Variants in RBFOX1 observed in about 807,000 individuals in gnomAD.
RBFOX1 encodes the protein RNA binding protein fox-1 homolog 1.
A neutral mutation model predicts 57.7 loss-of-function variants in RBFOX1; 8 were observed. That is an observed-to-expected ratio of 0.14 (90% CI 0.08 to 0.25). The LOEUF is 0.25. Ranked by LOEUF, RBFOX1 falls within the 10% of genes least tolerant of loss-of-function variation. RBFOX1 has a pLI of 1.00. For synonymous variants in RBFOX1, 326 were observed against 222.4 expected, an observed-to-expected ratio of 1.47 and a Z score of -4.15; for missense variants, 611 against 548.5, an observed-to-expected ratio of 1.11 and a Z score of -1.14.
At chr16:6,745,761 C>A (rs1380624117) in intron 3 of RBFOX1, among the ~76,000 whole-genome samples, 2 of 152,138 alleles carry the variant, frequency 1.3e-5, no homozygotes, top group African/African-American at 4.8e-5. Context: ...TTCACCACTT[C>A]CCTTTCGCAG....
intron 3 of RBFOX1, among the ~76,000 whole-genome samples, chr16:6,957,968 T>C (rs2082216589): frequency 6.6e-6 from 1 of 152,062 alleles, no homozygotes; most frequent in Non-Finnish European, 1.5e-5. Context: ...CATATTCTCT[T>C]GGTTACACAG....
chr16:7,220,842 C>T (rs1050104060), intron 4 of RBFOX1, among the ~76,000 whole-genome samples: 1 of 152,024 alleles, frequency 6.6e-6, no homozygotes, highest in Non-Finnish European at 1.5e-5. Flanking sequence ...GATCTCTATC[C>T]ACCCTTAACA....
intron 3 of RBFOX1, among the ~76,000 whole-genome samples, chr16:7,012,315 C>T (rs1232906292): frequency 1.3e-5 from 2 of 152,148 alleles, no homozygotes; most frequent in African/African-American, 4.8e-5. Context: ...CAGGTGAGAT[C>T]TCATAACTAC....
chr16:6,699,002 G>A (rs1006694710), intron 3 of RBFOX1, among the ~76,000 whole-genome samples: 23 of 152,284 alleles, frequency 1.5e-4, no homozygotes, highest in Middle Eastern at 3.4e-3. Context: ...AGAATGTGGC[G>A]TTGTTCTTGG....
At chr16:5,811,473 A>G (rs775445658) in intron 3 of RBFOX1, among the ~76,000 whole-genome samples, 4 of 141,922 alleles carry the variant, frequency 2.8e-5, no homozygotes, top group African/African-American at 7.9e-5. Flanking sequence ...TTTTTTTAAG[A>G]TGGAATCTCA....
At chr16:5,243,605 C>T (rs188013927) in intron 1 of RBFOX1, among the ~76,000 whole-genome samples, 16 of 152,240 alleles carry the variant, frequency 1.1e-4, no homozygotes, top group African/African-American at 3.6e-4. Flanking sequence ...CCAGATGTCT[C>T]CAGACGGTTT....
chr16:7,599,095 C>G (rs1168611410), intron 9 of RBFOX1, among the ~76,000 whole-genome samples: 1 of 152,214 alleles, frequency 6.6e-6, no homozygotes, highest in Non-Finnish European at 1.5e-5. Context: ...CCAAGACATG[C>G]CCTTAAATGG....
intron 1 of RBFOX1, among the ~76,000 whole-genome samples, chr16:5,355,626 C>T (rs1029455815): frequency 6.6e-6 from 1 of 152,150 alleles, no homozygotes; most frequent in Admixed American, 6.6e-5. Flanking sequence ...TAGAAGGGGC[C>T]TGTAGTGGGT....
intron 3 of RBFOX1, among the ~76,000 whole-genome samples, chr16:5,653,286 CCGTGTGCTGGGCTT>C (rs2049307804): frequency 6.6e-6 from 1 of 151,322 alleles, no homozygotes; most frequent in African/African-American, 2.4e-5. Context: ...GGGTGCTGAG[CCGTGTGCTGGGCTT>C]CAGTGCAGAA....
intron 1 of RBFOX1, among the ~76,000 whole-genome samples, chr16:6,235,075 G>A (rs1013426492): frequency 1.3e-5 from 2 of 152,098 alleles, no homozygotes; most frequent in Admixed American, 6.6e-5. Flanking sequence ...CAGTTTGCAG[G>A]ATATGGAATA....
intron 10 of RBFOX1, among the ~76,000 whole-genome samples, chr16:7,619,646 C>G (rs1462890899): frequency 6.6e-6 from 1 of 152,124 alleles, no homozygotes; most frequent in East Asian, 1.9e-4. Context: ...GCTTTTTAGG[C>G]TCTTACAGCA....
intron 2 of RBFOX1, among the ~76,000 whole-genome samples, chr16:5,567,099 C>G (rs1262589438): frequency 6.6e-6 from 1 of 152,170 alleles, no homozygotes; most frequent in Non-Finnish European, 1.5e-5. Context: ...CAAAGACCCT[C>G]AGATGAATTG....
At chr16:5,424,974 C>CTTTCTTTTCTTTTCTTTTCT (rs372212119) in intron 1 of RBFOX1, among the ~76,000 whole-genome samples, 6 of 70,682 alleles carry the variant, frequency 8.5e-5, no homozygotes, top group African/African-American at 2.4e-4. Context: ...CTCTTTCTTT[C>CTTTCTTTTCTTTTCTTTTCT]TTTCTTTTCT....
chr16:6,820,017 A>G lies in RBFOX1; in HGVS notation c.-16+165367A>G, dbSNP rs147818209. 8.2e-4 allele frequency among the ~76,000 whole-genome samples: 125 copies of G among 152,230 alleles called. 1 individual carries two copies. The South Asian group carries it at 0.02, about 24-fold the overall frequency. The stretch of plus-strand genomic sequence containing the variant: ...TTGAATTGTAGTTCCCATAATCCCC[A>G]TATGTCATGGGAGGCACCCAATAGG... On this transcript the variant is annotated intron_variant, in intron 3 of 15. Coordinates refer to ENST00000550418, the MANE Select transcript of RBFOX1 (RefSeq NM_018723.4).
rs149305200 is a variant in RBFOX1 at position 5,787,247 on chromosome 16, A to G, written c.319-80056A>G. Reference sequence around the variant, plus strand: ...AGAAAAGGGAACAGGTGAGCACACCAAGGACACTGTTTAGGATTGTGCTGC... The same window carrying G: ...AGAAAAGGGAACAGGTGAGCACACCGAGGACACTGTTTAGGATTGTGCTGC... On this transcript the variant is annotated intron_variant, in intron 3 of 19. Coordinates refer to the RBFOX1 transcript ENST00000641259. 1.7e-3 allele frequency among the ~76,000 whole-genome samples: 256 copies of G among 152,334 alleles called. 1 individual carries two copies. Among genetic ancestry groups the G allele is most frequent in the African/African-American group, 6.0e-3 (248 of 41,586 alleles).
chr16:7,120,084 G>A (rs936995427), intron 4 of RBFOX1, among the ~76,000 whole-genome samples: 4 of 151,990 alleles, frequency 2.6e-5, no homozygotes, highest in African/African-American at 7.2e-5. Flanking sequence ...AAATTAAACC[G>A]CAAAGTCTAA....
chr16:5,563,976 C>T (rs2045974886), intron 2 of RBFOX1, among the ~76,000 whole-genome samples: 4 of 152,122 alleles, frequency 2.6e-5, no homozygotes, highest in Admixed American at 2.6e-4. Context: ...TTTTTATCTA[C>T]TGCTCCAAGT....
intron 4 of RBFOX1, among the ~76,000 whole-genome samples, chr16:7,157,910 G>A (rs189370969): frequency 1.9e-4 from 29 of 152,296 alleles, no homozygotes; most frequent in African/African-American, 6.3e-4. Context: ...AGAGACTTCC[G>A]AGGAGCTGTG....
At chr16:7,500,304 A>G (rs1336701525) in intron 4 of RBFOX1, among the ~76,000 whole-genome samples, 1 of 152,206 alleles carries the variant, frequency 6.6e-6, no homozygotes, top group Non-Finnish European at 1.5e-5. Flanking sequence ...CTGTGAACAT[A>G]CTTACAAAGT....
Sources: gnomAD v4.1 joint callset for allele counts (sites outside exome capture counted in the v4.1 genomes callset) on GRCh38, gnomAD v4.1.1 for gene constraint, MANE v1.5 for transcripts, NCBI Gene and HGNC (gene_info 2026-07-23, HGNC 2026-07-21) for gene names.